RBBP8: variants seen among roughly 807,000 people sequenced by gnomAD.
RBBP8 encodes DNA endonuclease RBBP8.
In RBBP8, 88 loss-of-function variants were observed where a neutral mutation model predicts 108.3. The observed-to-expected ratio is 0.81, with a 90% confidence interval of 0.68 to 0.97. The LOEUF is 0.97. Among genes scored for constraint, RBBP8 ranks in the 50% least tolerant of loss-of-function variants. The pLI, the probability that RBBP8 is intolerant of heterozygous loss-of-function variation, is 0.00. For synonymous variants in RBBP8, 332 were observed against 348.2 expected (o/e 0.95, Z 0.52); for missense variants, 1,023 against 1,049.0 (o/e 0.98, Z 0.34).
chr18:22,965,257 A>G (rs1200068962), intron 4 of RBBP8, among the ~76,000 whole-genome samples: 1 of 151,598 alleles, frequency 6.6e-6, no homozygotes, highest in African/African-American at 2.4e-5. Context: ...AGCATTTCTC[A>G]GATGCCTTTT....
chr18:22,954,695 A>G (rs1912355633), intron 4 of RBBP8, among the ~76,000 whole-genome samples: 1 of 151,998 alleles, frequency 6.6e-6, no homozygotes, highest in South Asian at 2.1e-4. Context: ...CCCAGTGGGG[A>G]CTGTGTGGAG....
chr18:22,990,273 T>C (rs1212085038), intron 9 of RBBP8, among the ~76,000 whole-genome samples: 1 of 152,198 alleles, frequency 6.6e-6, no homozygotes, highest in Non-Finnish European at 1.5e-5. Flanking sequence ...AGATGCAGAA[T>C]CTCAGACCTA....
intron 4 of RBBP8, among the ~76,000 whole-genome samples, chr18:22,962,573 G>A (rs1354513425): frequency 1.3e-5 from 2 of 150,178 alleles, no homozygotes; most frequent in Non-Finnish European, 3.0e-5. Flanking sequence ...CTTTTTTTGA[G>A]ACAGAGTCTC....
At chr18:22,944,916 G>T (rs1343864963) in intron 2 of RBBP8, among the ~76,000 whole-genome samples, 2 of 152,078 alleles carry the variant, frequency 1.3e-5, no homozygotes. Context: ...ATTTGTATTT[G>T]TCTAAATTAT....
At chr18:22,978,385 T>C (rs1202726108) in intron 6 of RBBP8, among the ~76,000 whole-genome samples, 1 of 152,220 alleles carries the variant, frequency 6.6e-6, no homozygotes, top group African/African-American at 2.4e-5. Context: ...TCAGTGAGAC[T>C]AGTGTTTTAA....
chr18:22,962,170 T>C (rs931775201), intron 4 of RBBP8, among the ~76,000 whole-genome samples: 2 of 152,220 alleles, frequency 1.3e-5, no homozygotes, highest in Non-Finnish European at 2.9e-5. Flanking sequence ...CATAAATCTC[T>C]TTCACATGAT....
At chr18:22,988,370 C>T (rs1250833076) in intron 8 of RBBP8, among the ~76,000 whole-genome samples, 1 of 152,196 alleles carries the variant, frequency 6.6e-6, no homozygotes, top group Non-Finnish European at 1.5e-5. Flanking sequence ...CTACTCCCAT[C>T]TTCTGTAGTT....
intron 15 of RBBP8, among the ~76,000 whole-genome samples, chr18:23,005,526 C>T (rs925111021): frequency 6.6e-6 from 1 of 152,232 alleles, no homozygotes; most frequent in East Asian, 2.0e-4. Flanking sequence ...GATTCTCCTG[C>T]CTCAGCCTCC....
At chr18:22,961,512 A>G (rs1425190633) in intron 4 of RBBP8, among the ~76,000 whole-genome samples, 1 of 152,238 alleles carries the variant, frequency 6.6e-6, no homozygotes, top group East Asian at 1.9e-4. Flanking sequence ...AGGATAAGAC[A>G]TGAAAAGAAC....
chr18:22,972,081 C>T lies in RBBP8; in HGVS notation c.362-3072C>T, dbSNP rs1034141308. Among the ~76,000 whole-genome samples, 4 of 151,090 alleles carry T rather than the reference C, an allele frequency of 2.6e-5. No homozygotes were observed. In the South Asian group the frequency reaches 6.3e-4, roughly 24 times the overall value. On this transcript the variant is annotated intron_variant, in intron 5 of 18. Transcript: ENST00000327155. ...TTACGATCCAAAGAATTAGGGCAGG[C>T]GCGTTGGCTCACGCCTGTAATCCCA...
chr18:23,008,239 ATTG>A (rs1367947521), intron 16 of RBBP8, among the ~76,000 whole-genome samples: 1 of 107,606 alleles, frequency 9.3e-6, no homozygotes, highest in Non-Finnish European at 2.2e-5. Context: ...TTCAAAAAAA[ATTG>A]TTATTTTTTT....
chr18:23,009,943 G>A (rs2046127059), intron 16 of RBBP8, among the ~76,000 whole-genome samples: 2 of 152,170 alleles, frequency 1.3e-5, no homozygotes, highest in African/African-American at 4.8e-5. Context: ...TGTATTTTTA[G>A]TGGAGATGGG....
intron 1 of RBBP8, among the ~76,000 whole-genome samples, chr18:22,914,673 T>A (rs1909284314): frequency 6.6e-6 from 1 of 152,210 alleles, no homozygotes; most frequent in South Asian, 2.1e-4. Flanking sequence ...GTAACAATTT[T>A]ATATGGTAAA....
intron 4 of RBBP8, among the ~76,000 whole-genome samples, chr18:22,962,845 C>T (rs949922214): frequency 1.3e-5 from 2 of 152,180 alleles, no homozygotes; most frequent in Admixed American, 6.5e-5. Flanking sequence ...AAGTGATCCA[C>T]GTGCCTCAGC....
At chr18:23,022,102 A>G (rs765836148) in intron 17 of RBBP8, 27 bp from the exon 18 acceptor site, 28 of 1,543,566 alleles carry the variant, frequency 1.8e-5, no homozygotes, top group Non-Finnish European at 2.5e-5. Context: ...TTCTTTAGTG[A>G]AAAAACTTAC....
chr18:23,009,083 G>C (rs990090840), intron 16 of RBBP8, among the ~76,000 whole-genome samples: 1 of 152,038 alleles, frequency 6.6e-6, no homozygotes, highest in Admixed American at 6.6e-5. Context: ...ATATCACTTT[G>C]ATTTTTTAAG....
chr18:22,959,202 T>C lies in RBBP8; in HGVS notation c.248+9489T>C, dbSNP rs531417774. Reference sequence around the variant, plus strand: ...AAGGGTCCTTGCATTCTCGAAAATATTTTTATTCTACTGTTTATTATATAG... The same window carrying C: ...AAGGGTCCTTGCATTCTCGAAAATACTTTTATTCTACTGTTTATTATATAG... On this transcript the variant is annotated intron_variant, in intron 4 of 18. Transcript: ENST00000327155. 1.5e-4 allele frequency among the ~76,000 whole-genome samples: 23 copies of C among 152,306 alleles called. No homozygotes were observed. In the South Asian group the frequency reaches 4.8e-3, roughly 32 times the overall value.
At chr18:23,017,077 G>A (rs575754612) in intron 17 of RBBP8, among the ~76,000 whole-genome samples, 153 bp downstream of exon 17, 3 of 152,140 alleles carry the variant, frequency 2.0e-5, no homozygotes, top group Middle Eastern at 3.4e-3. Flanking sequence ...ATTCTGGGTC[G>A]GGTGCGGTGG....
chr18:23,001,177 C>T (rs1284195560), intron 14 of RBBP8, among the ~76,000 whole-genome samples: 1 of 152,214 alleles, frequency 6.6e-6, no homozygotes, highest in Non-Finnish European at 1.5e-5. Flanking sequence ...AACAAGACAG[C>T]TTGCAAGTAA....
Sources: allele counts gnomAD v4.1 joint callset (sites outside exome capture counted in the v4.1 genomes callset), GRCh38; gene constraint gnomAD v4.1.1; transcripts MANE v1.5; gene names NCBI Gene and HGNC (gene_info 2026-07-23, HGNC 2026-07-21).